SPEG: variants seen among roughly 807,000 people sequenced by gnomAD.
SPEG encodes the protein striated muscle enriched protein kinase.
In SPEG, 114 loss-of-function variants were observed where a neutral mutation model predicts 300.4. The ratio of observed to expected loss-of-function variants is 0.38; its 90% CI spans 0.33 to 0.44. The LOEUF is 0.44. Ranked by LOEUF, SPEG falls within the 20% of genes least tolerant of loss-of-function variation. The pLI, the probability that SPEG is intolerant of heterozygous loss-of-function variation, is 1.00. For synonymous variants in SPEG, 1,964 were observed against 2,018.9 expected, an observed-to-expected ratio of 0.97 and a Z score of 0.73; for missense variants, 4,201 against 4,586.2, an observed-to-expected ratio of 0.92 and a Z score of 2.43.
chr2:219,460,407 C>G, intron 6 of SPEG: 1 of 985,462 alleles, frequency 1.0e-6, no homozygotes, highest in Middle Eastern at 5.2e-4. Flanking sequence ...AGGGGCAACA[C>G]AGGGAACATT....
intron 6 of SPEG, 117 bp from the exon 7 acceptor site, chr2:219,461,765 G>T (rs1028722657): frequency 2.3e-5 from 26 of 1,138,282 alleles, no homozygotes; most frequent in Non-Finnish European, 3.2e-5. Context: ...TGAAGTCAGG[G>T]CAGGGCCGGC....
rs895940129 is a variant in SPEG at position 219,451,354 on chromosome 2, C to A, written c.2257+75C>A. The A allele has an allele frequency of 3.3e-6, 5 of 1,504,442 alleles. No homozygotes were observed. The highest frequency in any genetic ancestry group is 1.3e-5 in the South Asian group (1 of 74,654). The allele number at this position is 1,504,442 out of a possible 1,614,324, so 93.2% of individuals were successfully genotyped here. A position where few individuals can be genotyped will look rare whatever the true frequency, so the allele number is the denominator to read the frequency against. On this transcript the variant is annotated intron_variant, in intron 5 of 40. Coordinates refer to ENST00000312358, the MANE Select transcript of SPEG (RefSeq NM_005876.5). The surrounding 1 kb of genome is among the most constrained non-coding windows in gnomAD (Gnocchi z 6.4). ...GTGAGAAGGGAAGGGGAGGTTCCCC[C>A]GGACTCCTCCAAGGGAGGGGTGGGA... is the stretch of plus-strand genomic sequence containing the variant.
At position 219,448,118 on chromosome 2, in the gene SPEG, C is replaced by G. The variant is rs1027561034; in HGVS notation, c.960C>G (p.Ser320=). Residue 320 remains serine, a synonymous_variant, in exon 4 of 41, where the codon TCC becomes TCG. Coordinates refer to ENST00000312358, the MANE Select transcript of SPEG (RefSeq NM_005876.5). ...PPPSPRVGKR[S]PPGPPAQPAA... ...CGTCCCCTCGGGTCGGGAAGCGGTC[C>G]CCGCCGGGACCCCCGGCCCAGCCCG... The G allele has an allele frequency of 6.2e-7, 1 of 1,602,730 alleles. No individual in the cohort carries two copies.
At position 219,490,438 on chromosome 2, in the gene SPEG, G is replaced by A. The variant is rs368223827; in HGVS notation, c.8951G>A (p.Arg2984Gln). Reference sequence around the variant, plus strand: ...CGCTTTGGTGTTGTGCGAGCGTGCCGGGAGAATGCCACGGGGCGAACGTTC... The same window carrying A: ...CGCTTTGGTGTTGTGCGAGCGTGCCAGGAGAATGCCACGGGGCGAACGTTC... ...RGRFGVVRAC[R>Q]ENATGRTFVA... Residue 2984 changes from arginine to glutamine, a missense_variant, in exon 37 of 41, where the codon CGG becomes CAG. Transcript: ENST00000312358. 17 of 1,612,780 alleles carry A rather than the reference G, an allele frequency of 1.1e-5. No individual in the cohort carries two copies. Among genetic ancestry groups the A allele is most frequent in the South Asian group, 2.2e-5 (2 of 91,050 alleles).
At chr2:219,460,900 C>T (rs934396403) in intron 6 of SPEG, 18 of 986,386 alleles carry the variant, frequency 1.8e-5, no homozygotes, top group South Asian at 4.7e-5. Flanking sequence ...TGGGGAGCCA[C>T]GCTGGGGTGG....
At chr2:219,441,672 C>A in intron 1 of SPEG, 1 of 442,500 alleles carries the variant, frequency 2.3e-6, no homozygotes. Flanking sequence ...TTCTGTGCCT[C>A]AGTTTCCTCA....
intron 6 of SPEG, chr2:219,460,598 G>T: frequency 2.0e-6 from 2 of 985,464 alleles, no homozygotes; most frequent in Non-Finnish European, 2.4e-6. Context: ...GTAAGGAGAA[G>T]AAAGGCAGAT....
chr2:219,465,907 G>T, intron 9 of SPEG: 1 of 684,224 alleles, frequency 1.5e-6, no homozygotes. Flanking sequence ...ATGGGTGTGT[G>T]CATGCGTGTG....
intron 1 of SPEG, 112 bp downstream of exon 1, chr2:219,435,477 C>G: frequency 8.2e-7 from 1 of 1,213,558 alleles, no homozygotes; most frequent in Non-Finnish European, 1.1e-6. Context: ...CGCCTTCTTC[C>G]CAGGTGCCCT....
Position 219,479,785 on chromosome 2 carries a change from C to G in SPEG, c.5088C>G (p.Ile1696Met). 6.2e-7 allele frequency: 1 copy of G among 1,613,828 alleles called. No homozygotes were observed. The highest frequency in any genetic ancestry group is 8.5e-7 in the Non-Finnish European group (1 of 1,179,884). The change falls in exon 24 of 41, where the codon ATC becomes ATG. Residue 1696 changes from isoleucine (I) to methionine (M), a missense_variant and splice_region_variant. By Grantham distance (10) the Ile-to-Met change is conservative. Transcript: ENST00000312358. This position sits in a 1 kb window ranked among gnomAD's most constrained non-coding sequence, Gnocchi z 5.5. ...ARKPTVCESEIRAYMRQVLEG... is the reference protein window; with the variant it reads ...ARKPTVCESEMRAYMRQVLEG... Reference sequence around the variant, plus strand: ...CTCTGGGCCCACTATTTCCACAGATCCGGGCCTATATGCGGCAGGTGCTAG... The same window carrying G: ...CTCTGGGCCCACTATTTCCACAGATGCGGGCCTATATGCGGCAGGTGCTAG...
intron 9 of SPEG, chr2:219,466,503 A>G: frequency 9.0e-7 from 1 of 1,114,510 alleles, no homozygotes; most frequent in Non-Finnish European, 1.1e-6. Flanking sequence ...AGATTACGGC[A>G]TGGCATGGAG....
In SPEG at chr2:219,480,835, G is replaced by A; in HGVS notation, c.5369+138G>A. 1 of 819,374 alleles carries A rather than the reference G, an allele frequency of 1.2e-6. No individual in the cohort carries two copies. The highest frequency in any genetic ancestry group is 2.0e-6 in the Non-Finnish European group (1 of 487,852). The allele number at this position is 819,374 out of a possible 1,614,324, so 50.8% of individuals were successfully genotyped here. A position where few individuals can be genotyped will look rare whatever the true frequency, so the allele number is the denominator to read the frequency against. ...CAAGGAGCCTCATGTGCATGAAGGT[G>A]GACACCCCTGTCTGCATGCCCACAC... is the stretch of plus-strand genomic sequence containing the variant. On this transcript the variant is annotated intron_variant, in intron 26 of 40. Transcript: ENST00000312358. This position sits in a 1 kb window ranked among gnomAD's most constrained non-coding sequence, Gnocchi z 5.3.
rs974471632 is a variant in SPEG, at chr2:219,461,441, C to T, written c.2441-441C>T. 2.1e-5 allele frequency: 22 copies of T among 1,030,080 alleles called. No individual in the cohort carries two copies. The African/African-American group carries it at 3.8e-4, about 18-fold the overall frequency. The allele number at this position is 1,030,080 out of a possible 1,614,324, so 63.8% of individuals were successfully genotyped here. A position where few individuals can be genotyped will look rare whatever the true frequency, so the allele number is the denominator to read the frequency against. Reference sequence around the variant, plus strand: ...GTGTTCCTCTGCACCAGGCCCAGCTCACCCAAGAAATGGGCGTCCTAGCCA... The same window carrying T: ...GTGTTCCTCTGCACCAGGCCCAGCTTACCCAAGAAATGGGCGTCCTAGCCA... On this transcript the variant is annotated intron_variant, in intron 6 of 40. Coordinates refer to ENST00000312358, the MANE Select transcript of SPEG (RefSeq NM_005876.5).
At chr2:219,441,435 C>A (rs1293746541) in intron 1 of SPEG, 10 of 457,190 alleles carry the variant, frequency 2.2e-5, no homozygotes, top group South Asian at 1.3e-4. Flanking sequence ...CAGTCCACAC[C>A]CGCCAGGACC....
chr2:219,466,190 G>T, intron 9 of SPEG: 2 of 1,482,752 alleles, frequency 1.3e-6, no homozygotes, highest in Non-Finnish European at 1.8e-6. Context: ...GCCCGGACCC[G>T]TCCCAGCCTC....
chr2:219,492,993 G>A lies in SPEG; in HGVS notation c.*207G>A, dbSNP rs573623388. ...GCCACCCCAGGCCAAAGCCAGAGTG[G>A]GAGACCCATTGGTCAGGCTCAGCAG... On this transcript the variant is annotated 3_prime_UTR_variant, in exon 41 of 41. Coordinates refer to ENST00000312358, the MANE Select transcript of SPEG (RefSeq NM_005876.5). 7.0e-6 allele frequency: 5 copies of A among 710,326 alleles called. No individual in the cohort carries two copies. The South Asian group carries it at 7.5e-5, about 11-fold the overall frequency. 44.0% of individuals were successfully genotyped at this position (710,326 alleles called of 1,614,324 possible).
chr2:219,466,462 G>A (rs879743587), intron 9 of SPEG: 17 of 1,199,792 alleles, frequency 1.4e-5, no homozygotes, highest in East Asian at 4.5e-5. Context: ...AGGATGCCTC[G>A]GAGCTGAGGT....
At position 219,481,700 on chromosome 2, in the gene SPEG, T is replaced by C. The variant is rs779218236; in HGVS notation, c.5565+20T>C. The C allele has an allele frequency of 6.2e-7, 1 of 1,613,014 alleles. No homozygotes were observed. The highest frequency in any genetic ancestry group is 8.5e-7 in the Non-Finnish European group (1 of 1,179,012). The stretch of plus-strand genomic sequence containing the variant: ...TTCAAAGTGAGTCTAGTCTGCAAAG[T>C]GGTGGCACAAAAGGTGGAGGGAGAG... On this transcript the variant is annotated intron_variant, in intron 28 of 40. Coordinates refer to ENST00000312358, the MANE Select transcript of SPEG (RefSeq NM_005876.5). This position sits in a 1 kb window ranked among gnomAD's most constrained non-coding sequence, Gnocchi z 5.4.
Position 219,478,750 on chromosome 2 carries a change from C to A in SPEG, c.5028-394C>A, listed in dbSNP as rs1054768145. 4.6e-5 allele frequency among the ~76,000 whole-genome samples: 7 copies of A among 152,322 alleles called. No homozygotes were observed. In the South Asian group the frequency reaches 1.2e-3, roughly 27 times the overall value. On this transcript the variant is annotated intron_variant, in intron 22 of 40. Coordinates refer to ENST00000312358, the MANE Select transcript of SPEG (RefSeq NM_005876.5). ...TGACAAATTATTCCATGTCATGGAT[C>A]TTCTAGGTCATTCTCAAATAGAGTC...
Sources: allele counts gnomAD v4.1 joint callset (sites outside exome capture counted in the v4.1 genomes callset), GRCh38; gene constraint gnomAD v4.1.1; non-coding constraint Gnocchi (gnomAD v3.1); transcripts MANE v1.5; gene names NCBI Gene and HGNC (gene_info 2026-07-23, HGNC 2026-07-21).